Variants in AGFG1 observed in about 807,000 individuals in gnomAD.
The protein encoded by AGFG1 is ArfGAP with FG repeats 1.
Under a neutral mutation model 60.6 loss-of-function variants are expected in AGFG1, and 10 were observed. The observed-to-expected ratio is 0.16, with a 90% CI of 0.10 to 0.28. The LOEUF is 0.28. Ranked by LOEUF, AGFG1 falls within the 10% of genes least tolerant of loss-of-function variation. The pLI is 1.00. For synonymous variants in AGFG1, 247 were observed against 242.9 expected (o/e 1.02, Z -0.16); for missense variants, 537 against 676.5 (o/e 0.79, Z 2.29).
Position 227,560,570 on chromosome 2 carries a change from A to G in AGFG1, c.*6075A>G, listed in dbSNP as rs146675505. ...ATTGTCCCTACTCATGACTCTAAAA[A>G]GTGCATGGCTTGGGGCTATACTTTG... On this transcript the variant is annotated 3_prime_UTR_variant, in exon 13 of 13. Coordinates refer to ENST00000310078, the MANE Select transcript of AGFG1 (RefSeq NM_004504.5). The G allele has an allele frequency of 4.5e-4, 68 of 152,292 alleles. No homozygotes were observed. Among genetic ancestry groups the G allele is most frequent in the African/African-American group, 1.6e-3 (67 of 41,586 alleles). The allele number at this position is 152,292 out of a possible 1,614,324, so 9.4% of individuals were successfully genotyped here. A position where few individuals can be genotyped will look rare whatever the true frequency, so the allele number is the denominator to read the frequency against.
At chr2:227,488,856 C>T (rs1337617887) in intron 1 of AGFG1, among the ~76,000 whole-genome samples, 1 of 152,136 alleles carries the variant, frequency 6.6e-6, no homozygotes, top group Non-Finnish European at 1.5e-5. Flanking sequence ...CTCTGTTGCC[C>T]ATGCTGGACT....
At chr2:227,511,415 A>T (rs1559180239) in intron 2 of AGFG1, among the ~76,000 whole-genome samples, 1 of 152,154 alleles carries the variant, frequency 6.6e-6, no homozygotes, top group South Asian at 2.1e-4. Context: ...GTTGCAGTTA[A>T]TGCTGATGTT....
intron 2 of AGFG1, among the ~76,000 whole-genome samples, chr2:227,495,083 A>G (rs1690935799): frequency 6.6e-6 from 1 of 152,196 alleles, no homozygotes; most frequent in African/African-American, 2.4e-5. Flanking sequence ...TGGAGGAGAT[A>G]TGTATATCAT....
chr2:227,519,852 G>T, intron 2 of AGFG1, 96 bp from the exon 3 acceptor site: 1 of 651,042 alleles, frequency 1.5e-6, no homozygotes, highest in Non-Finnish European at 2.6e-6. Context: ...AAATTATTAT[G>T]TAGATTAGCT....
At chr2:227,494,823 G>T (rs1004078033) in intron 2 of AGFG1, among the ~76,000 whole-genome samples, 3 of 152,224 alleles carry the variant, frequency 2.0e-5, no homozygotes, top group African/African-American at 7.2e-5. Flanking sequence ...GAATCAGAGT[G>T]AGAGGGGCTA....
At position 227,483,483 on chromosome 2, in the gene AGFG1, T is replaced by C. The variant is rs546717580; in HGVS notation, c.168-8064T>C. The stretch of plus-strand genomic sequence containing the variant: ...GTTTTCCATCACCCCAAAAAACTTT[T>C]AGCCCTTGTTTTTACTGTACTCCTG... On this transcript the variant is annotated intron_variant, in intron 1 of 12. Transcript: ENST00000310078. Among the ~76,000 whole-genome samples the C allele has an allele frequency of 3.9e-5, 6 of 152,236 alleles. No individual in the cohort carries two copies. In the South Asian group the frequency reaches 1.2e-3, roughly 32 times the overall value.
intron 2 of AGFG1, among the ~76,000 whole-genome samples, chr2:227,498,901 G>A (rs1398778528): frequency 1.3e-5 from 2 of 151,992 alleles, no homozygotes; most frequent in Non-Finnish European, 2.9e-5. Context: ...TTGCCATTGT[G>A]TGTTATCTTC....
intron 6 of AGFG1, among the ~76,000 whole-genome samples, 192 bp from the exon 7 acceptor site, chr2:227,533,357 A>C (rs1218359528): frequency 6.6e-6 from 1 of 152,204 alleles, no homozygotes; most frequent in Non-Finnish European, 1.5e-5. Flanking sequence ...CCTGTTGCCA[A>C]GGCCTTTGAA....
intron 10 of AGFG1, among the ~76,000 whole-genome samples, chr2:227,539,170 C>T (rs1221758986): frequency 6.6e-6 from 1 of 152,186 alleles, no homozygotes; most frequent in Non-Finnish European, 1.5e-5. Flanking sequence ...TGGCCAGGCA[C>T]AGTGGCTCAT....
At chr2:227,492,680 T>C (rs1690854637) in intron 2 of AGFG1, among the ~76,000 whole-genome samples, 1 of 152,074 alleles carries the variant, frequency 6.6e-6, no homozygotes, top group South Asian at 2.1e-4. Context: ...TTTTAAATAT[T>C]TCATATTAAA....
chr2:227,524,029 A>T, intron 4 of AGFG1, 104 bp downstream of exon 4: 1 of 1,119,382 alleles, frequency 8.9e-7, no homozygotes, highest in East Asian at 2.4e-5. Flanking sequence ...GTATGCCAGT[A>T]GCATTATGTT....
rs866051056 is a variant in AGFG1 at position 227,556,502 on chromosome 2, A to G, written c.*2007A>G. 14 of 152,666 alleles carry G rather than the reference A, an allele frequency of 9.2e-5. No homozygotes were observed. Among genetic ancestry groups the G allele is most frequent in the Non-Finnish European group, 1.5e-4 (10 of 68,050 alleles). 9.5% of individuals were successfully genotyped at this position (152,666 alleles called of 1,614,324 possible). On this transcript the variant is annotated 3_prime_UTR_variant, in exon 13 of 13. Transcript: ENST00000310078. ...TCTCCACATTTTGGAGGACTTCCTC[A>G]GCCCTTTTCATTGAGGGAAAATATA...
At chr2:227,550,816 A>G (rs571619676) in intron 10 of AGFG1, among the ~76,000 whole-genome samples, 1 of 152,288 alleles carries the variant, frequency 6.6e-6, no homozygotes, top group Admixed American at 6.5e-5. Flanking sequence ...AAATCAATGA[A>G]CAAATTGGTA....
At chr2:227,503,699 C>A (rs1048755633) in intron 2 of AGFG1, among the ~76,000 whole-genome samples, 2 of 152,204 alleles carry the variant, frequency 1.3e-5, no homozygotes, top group Non-Finnish European at 2.9e-5. Flanking sequence ...ACACCAGGAT[C>A]TGAGTGTCAC....
At chr2:227,510,655 T>G (rs901766917) in intron 2 of AGFG1, 1 of 152,218 alleles carries the variant, frequency 6.6e-6, no homozygotes, top group African/African-American at 2.4e-5. Flanking sequence ...AGTGCTTTGG[T>G]GTATGCTGTC....
intron 10 of AGFG1, among the ~76,000 whole-genome samples, chr2:227,546,308 C>A (rs1164877626): frequency 6.6e-6 from 1 of 152,234 alleles, no homozygotes; most frequent in African/African-American, 2.4e-5. Context: ...GGGATATAAT[C>A]TTCTGGTGTG....
chr2:227,549,706 C>A (rs780929714), intron 10 of AGFG1, among the ~76,000 whole-genome samples: 11 of 152,114 alleles, frequency 7.2e-5, no homozygotes, highest in Non-Finnish European at 1.5e-4. Flanking sequence ...CTCATATGAT[C>A]CTATGAATAG....
intron 10 of AGFG1, among the ~76,000 whole-genome samples, chr2:227,537,794 T>A (rs1175236621): frequency 6.6e-6 from 1 of 152,214 alleles, no homozygotes. Flanking sequence ...AAGCCTAAAC[T>A]CCAGTTATAG....
intron 10 of AGFG1, among the ~76,000 whole-genome samples, chr2:227,543,521 A>AT (rs917642164): frequency 6.6e-6 from 1 of 152,130 alleles, no homozygotes; most frequent in African/African-American, 2.4e-5. Context: ...TCTGAGAGAC[A>AT]GTTTGTTATG....
Sources: allele counts gnomAD v4.1 joint callset (sites outside exome capture counted in the v4.1 genomes callset), GRCh38; gene constraint gnomAD v4.1.1; transcripts MANE v1.5; gene names NCBI Gene and HGNC (gene_info 2026-07-23, HGNC 2026-07-21).